The following MED13L variants were observed in gnomAD, a reference collection of about 807,000 sequenced individuals.
The protein encoded by MED13L is mediator complex subunit 13L.
Under a neutral mutation model 220.9 loss-of-function variants are expected in MED13L, and 7 were observed. The ratio of observed to expected loss-of-function variants is 0.03; its 90% CI spans 0.02 to 0.06. MED13L has a LOEUF of 0.06. Ranked by LOEUF, MED13L falls within the 10% of genes least tolerant of loss-of-function variation. The pLI is 1.00. For synonymous variants in MED13L, 1,011 were observed against 1,015.2 expected (o/e 1.00, Z 0.08); for missense variants, 1,965 against 2,760.5 (o/e 0.71, Z 6.46).
chr12:116,069,167 G>GCAGCC lies in MED13L; in HGVS notation c.479+27497_479+27501dup, dbSNP rs371333836. Among the ~76,000 whole-genome samples, 182 of 152,302 alleles carry GCAGCC rather than the reference G, an allele frequency of 1.2e-3. 1 individual carries two copies. The highest frequency in any genetic ancestry group is 2.4e-3 in the African/African-American group (100 of 41,560). ...GAAGATAATGCCAAAAGAATCCTGA[G>GCAGCC]CAGCCCTATTAAAGATGATACGTGG... On this transcript the variant is annotated intron_variant, in intron 4 of 30. Transcript: ENST00000281928.
Position 116,021,788 on chromosome 12 carries a change from T to G in MED13L, c.625+668A>C, listed in dbSNP as rs945917439. Among the ~76,000 whole-genome samples the G allele has an allele frequency of 5.3e-5, 8 of 152,300 alleles. No homozygotes were observed. In the South Asian group the frequency reaches 1.7e-3, roughly 32 times the overall value. On this transcript the variant is annotated intron_variant, in intron 5 of 30. Coordinates refer to ENST00000281928, the MANE Select transcript of MED13L (RefSeq NM_015335.5). ...TAATATTATAACATTTAAAAGCTGT[T>G]ACTCACAGAAAATTCTGAATTCCAA...
chr12:116,089,611 A>C (rs1872013404), intron 4 of MED13L, among the ~76,000 whole-genome samples: 1 of 152,212 alleles, frequency 6.6e-6, no homozygotes, highest in African/African-American at 2.4e-5. Context: ...ATTTATACTT[A>C]GTACAGCTGA....
chr12:115,985,521 T>C (rs1877623954), intron 19 of MED13L, among the ~76,000 whole-genome samples: 2 of 152,230 alleles, frequency 1.3e-5, no homozygotes, highest in Admixed American at 6.5e-5. Flanking sequence ...ATCATAGTAC[T>C]AAATATTTTA....
chr12:116,047,146 T>C (rs1187004241), intron 4 of MED13L, among the ~76,000 whole-genome samples: 1 of 152,046 alleles, frequency 6.6e-6, no homozygotes, highest in Non-Finnish European at 1.5e-5. Flanking sequence ...GGCCAGGCAT[T>C]TGAGACCAGA....
intron 2 of MED13L, among the ~76,000 whole-genome samples, chr12:116,126,491 C>T (rs534460436): frequency 3.7e-4 from 57 of 152,262 alleles, no homozygotes; most frequent in African/African-American, 1.3e-3. Context: ...TGGCCCTTTC[C>T]ATCTCCAGTC....
chr12:116,123,490 T>A (rs1875270885), intron 2 of MED13L, among the ~76,000 whole-genome samples: 1 of 152,168 alleles, frequency 6.6e-6, no homozygotes, highest in African/African-American at 2.4e-5. Flanking sequence ...ATTTCAACAT[T>A]AGCACAATTG....
intron 2 of MED13L, among the ~76,000 whole-genome samples, chr12:116,217,916 G>C (rs1007467759): frequency 6.6e-6 from 1 of 152,112 alleles, no homozygotes; most frequent in African/African-American, 2.4e-5. Flanking sequence ...CATTAATTAA[G>C]TTTCTGGAAA....
At chr12:115,983,684 G>T in intron 20 of MED13L, 144 bp from the exon 21 acceptor site, 1 of 897,564 alleles carries the variant, frequency 1.1e-6, no homozygotes, top group Non-Finnish European at 1.8e-6. Flanking sequence ...TATCTCCACA[G>T]TCATGCTTAT....
At chr12:116,252,378 T>TA (rs543288942) in intron 1 of MED13L, among the ~76,000 whole-genome samples, 27 of 147,246 alleles carry the variant, frequency 1.8e-4, no homozygotes, top group South Asian at 6.4e-4. Flanking sequence ...TTGTCTCTAC[T>TA]AAAAAAAAAA....
At chr12:116,096,828 T>A in intron 3 of MED13L, 76 bp from the exon 4 acceptor site, 1 of 1,013,690 alleles carries the variant, frequency 9.9e-7, no homozygotes, top group South Asian at 1.3e-5. Context: ...ATACACCAGA[T>A]GAGATATATC....
intron 2 of MED13L, among the ~76,000 whole-genome samples, chr12:116,203,661 T>C (rs1198273196): frequency 6.6e-6 from 1 of 151,360 alleles, no homozygotes; most frequent in Non-Finnish European, 1.5e-5. Context: ...CTCTACTAAA[T>C]ATACAAAAAT....
At chr12:116,221,427 A>G (rs1382630737) in intron 2 of MED13L, among the ~76,000 whole-genome samples, 1 of 152,056 alleles carries the variant, frequency 6.6e-6, no homozygotes, top group East Asian at 1.9e-4. Context: ...AATTCATTCA[A>G]GTTAATATTC....
chr12:116,272,938 G>GT (rs1160502160), intron 1 of MED13L, among the ~76,000 whole-genome samples: 9 of 152,206 alleles, frequency 5.9e-5, no homozygotes, highest in Admixed American at 2.0e-4. Context: ...TATAAATACT[G>GT]TAACACCATG....
chr12:116,019,968 C>G lies in MED13L; in HGVS notation c.630G>C (p.Leu210=). 1.2e-6 allele frequency: 2 copies of G among 1,613,082 alleles called. No individual in the cohort carries two copies. The highest frequency in any genetic ancestry group is 1.7e-6 in the Non-Finnish European group (2 of 1,179,288). Residue 210 remains leucine, a synonymous_variant, in exon 6 of 31, where the codon CTG becomes CTC. Transcript: ENST00000281928. ...TCCCATTTAAGCCATAAGGACTTAC[C>G]AGTACTATGGAGGGGAGGAGAAATA... ...AQSSPAPFQV[L]VSPYGLNGTL...
intron 2 of MED13L, among the ~76,000 whole-genome samples, chr12:116,220,852 A>G (rs368613154): frequency 3.3e-5 from 5 of 152,292 alleles, no homozygotes; most frequent in Admixed American, 1.3e-4. Flanking sequence ...TATGAAAACC[A>G]CAGAGTTGGG....
At chr12:116,023,816 C>A (rs1314847945) in intron 4 of MED13L, among the ~76,000 whole-genome samples, 1 of 151,876 alleles carries the variant, frequency 6.6e-6, no homozygotes, top group Non-Finnish European at 1.5e-5. Flanking sequence ...TTTTAAAAAC[C>A]CTTGATACCA....
intron 26 of MED13L, 24 bp from the exon 27 acceptor site, chr12:115,970,794 TATCA>T (rs1439206299): frequency 6.2e-7 from 1 of 1,606,712 alleles, no homozygotes; most frequent in East Asian, 2.2e-5. Context: ...AATAGAATTA[TATCA>T]ATCAATGAAC....
At chr12:116,183,214 TCA>T (rs1880645747) in intron 2 of MED13L, among the ~76,000 whole-genome samples, 4 of 152,282 alleles carry the variant, frequency 2.6e-5, no homozygotes, top group Admixed American at 2.0e-4. Context: ...GGAAATAAAT[TCA>T]CAGTGGTTAA....
intron 5 of MED13L, 92 bp downstream of exon 5, chr12:116,022,364 A>C (rs1024655845): frequency 6.9e-7 from 1 of 1,448,602 alleles, no homozygotes; most frequent in African/African-American, 1.4e-5. Context: ...TGTCCATTTA[A>C]GATAAGGTCT....
Sources: allele counts gnomAD v4.1 joint callset (sites outside exome capture counted in the v4.1 genomes callset), GRCh38; gene constraint gnomAD v4.1.1; transcripts MANE v1.5; gene names NCBI Gene and HGNC (gene_info 2026-07-23, HGNC 2026-07-21).